Variants in PRG4 observed in about 807,000 individuals in gnomAD.
PRG4 encodes proteoglycan 4.
In PRG4, 61 loss-of-function variants were observed where a neutral mutation model predicts 91.2. The observed-to-expected ratio is 0.67, with a 90% CI of 0.54 to 0.83. The LOEUF is 0.83. Among genes scored for constraint, PRG4 ranks in the 40% least tolerant of loss-of-function variants. PRG4 has a pLI of 0.00. For synonymous variants in PRG4, 576 were observed against 614.2 expected, an observed-to-expected ratio of 0.94 and a Z score of 0.92; for missense variants, 1,564 against 1,714.2, an observed-to-expected ratio of 0.91 and a Z score of 1.55.
At chr1:186,311,381 G>A (rs1657217523) in intron 9 of PRG4, 59 bp from the exon 10 acceptor site, 5 of 1,547,226 alleles carry the variant, frequency 3.2e-6, no homozygotes, top group Non-Finnish European at 4.5e-6. Flanking sequence ...AATCTAGAAA[G>A]GAGTTCCAAA....
intron 7 of PRG4, 120 bp downstream of exon 7, chr1:186,309,260 T>G (rs1656993126): frequency 9.2e-7 from 1 of 1,081,656 alleles, no homozygotes; most frequent in South Asian, 1.3e-5. Context: ...CTTGTTAGCT[T>G]GTGAAGTTTT....
At position 186,307,721 on chromosome 1, in the gene PRG4, A is replaced by G. The variant is rs758847492; in HGVS notation, c.2002A>G (p.Thr668Ala). Residue 668 changes from threonine (T) to alanine (A), a missense_variant, in exon 7 of 13, where the codon ACT becomes GCT. Around this residue, in one of 3 missense-constraint regions of PRG4, gnomAD observed 1,079 missense variants for 1,162.2 expected, o/e 0.93. Coordinates refer to ENST00000445192, the MANE Select transcript of PRG4 (RefSeq NM_005807.6). Reference sequence around the variant, plus strand: ...CACCCCTGAGGAGCCTGCTCCCACCACTCCCAAGGCAGCGGCTCCCAACAC... The same window carrying G: ...CACCCCTGAGGAGCCTGCTCCCACCGCTCCCAAGGCAGCGGCTCCCAACAC... ...PTTPEEPAPT[T>A]PKAAAPNTPK... 1.9e-6 allele frequency: 3 copies of G among 1,599,708 alleles called. No individual in the cohort carries two copies. Among genetic ancestry groups the G allele is most frequent in the South Asian group, 1.1e-5 (1 of 90,646 alleles).
intron 2 of PRG4, among the ~76,000 whole-genome samples, chr1:186,298,429 A>G (rs867718275): frequency 8.5e-5 from 13 of 152,128 alleles, no homozygotes; most frequent in Admixed American, 5.2e-4. Flanking sequence ...AATTAATAGC[A>G]ATAAAAGTAG....
chr1:186,308,000 A>G lies in PRG4; in HGVS notation c.2281A>G (p.Thr761Ala). Residue 761 changes from threonine (T) to alanine (A), a missense_variant, in exon 7 of 13, where the codon ACC (threonine) becomes GCC (alanine). By Grantham distance (58) the Thr-to-Ala change is moderately conservative. Transcript: ENST00000445192. ...TACCCCTAAGGGGACTGCTCCAACT[A>G]CCCCTAAGGAGCCTGCTCCAACTAC... ...PTTPKGTAPT[T>A]PKEPAPTTPK... 1 of 1,602,900 alleles carries G rather than the reference A, an allele frequency of 6.2e-7. No individual in the cohort carries two copies.
At chr1:186,310,646 C>G (rs1657132662) in intron 8 of PRG4, among the ~76,000 whole-genome samples, 1 of 149,418 alleles carries the variant, frequency 6.7e-6, no homozygotes, top group African/African-American at 2.5e-5. Flanking sequence ...CCATGCCTGG[C>G]TAATTTTTGT....
Position 186,312,874 on chromosome 1 carries a change from A to C in PRG4, c.4097A>C (p.Asp1366Ala), listed in dbSNP as rs774754880. Residue 1366 changes from aspartate to alanine, a missense_variant, in exon 12 of 13, where the codon GAT (aspartate) becomes GCT (alanine). Physicochemically the swap from Asp to Ala is moderately radical, Grantham distance 126 (BLOSUM62 -2). Coordinates refer to ENST00000445192, the MANE Select transcript of PRG4 (RefSeq NM_005807.6). ...LPNIRKPDGY[D>A]YYAFSKDQYY... Reference sequence around the variant, plus strand: ...AACATCAGAAAACCTGACGGCTATGATTACTATGCCTTTTCTAAAGGTAAG... The same window carrying C: ...AACATCAGAAAACCTGACGGCTATGCTTACTATGCCTTTTCTAAAGGTAAG... 19 of 1,612,640 alleles carry C rather than the reference A, an allele frequency of 1.2e-5. No individual in the cohort carries two copies. The Admixed American group carries it at 3.2e-4, about 27-fold the overall frequency.
At position 186,306,759 on chromosome 1, in the gene PRG4, C is replaced by T. The variant is rs752609307; in HGVS notation, c.1040C>T (p.Pro347Leu). 6.2e-7 allele frequency: 1 copy of T among 1,613,536 alleles called. No homozygotes were observed. Among genetic ancestry groups the T allele is most frequent in the South Asian group, 1.1e-5 (1 of 91,068 alleles). ...ACCAAAGGCCCTGCTCTCACCACTCCCAAGGAGCCCACGCCCACCACTCCC... is the reference window on the plus strand; with the variant it reads ...ACCAAAGGCCCTGCTCTCACCACTCTCAAGGAGCCCACGCCCACCACTCCC... Reference protein sequence around the residue: ...TTTKGPALTTPKEPTPTTPKE... With the variant: ...TTTKGPALTTLKEPTPTTPKE... Residue 347 changes from proline to leucine, a missense_variant, in exon 7 of 13, where the codon CCC becomes CTC. By Grantham distance (98) the Pro-to-Leu change is moderately conservative. Coordinates refer to ENST00000445192, the MANE Select transcript of PRG4 (RefSeq NM_005807.6).
chr1:186,309,183 T>C, intron 7 of PRG4, 43 bp downstream of exon 7: 1 of 1,559,254 alleles, frequency 6.4e-7, no homozygotes, highest in South Asian at 1.1e-5. Flanking sequence ...CTGGTAATGT[T>C]AGTTTACATC....
Position 186,306,346 on chromosome 1 carries a change from A to G in PRG4, c.627A>G (p.Lys209=). 2 of 1,604,610 alleles carry G rather than the reference A, an allele frequency of 1.2e-6. No individual in the cohort carries two copies. Among genetic ancestry groups the G allele is most frequent in the Non-Finnish European group, 1.7e-6 (2 of 1,177,162 alleles). ...KVKDNKKNRT[K]KKPTPKPPVV... ...AAGATAACAAGAAGAACAGAACTAA[A>G]AAGAAACCTACCCCCAAACCACCAG... is the stretch of plus-strand genomic sequence containing the variant. Residue 209 remains lysine (K), a synonymous_variant, in exon 7 of 13, where the codon AAA becomes AAG. Transcript: ENST00000445192.
rs1292809337 is a variant in PRG4, at chr1:186,314,110, A to T, written c.*332A>T. ...TTCACTTACCCTAGTTCATTATAAA[A>T]AATATCTAGGCATTGTGGATATAAA... On this transcript the variant is annotated 3_prime_UTR_variant, in exon 13 of 13. Coordinates refer to ENST00000445192, the MANE Select transcript of PRG4 (RefSeq NM_005807.6). 1 of 1,291,788 alleles carries T rather than the reference A, an allele frequency of 7.7e-7. No homozygotes were observed. The highest frequency in any genetic ancestry group is 1.1e-6 in the Non-Finnish European group (1 of 920,888). 80.0% of individuals were successfully genotyped at this position (1,291,788 alleles called of 1,614,324 possible). A position where few individuals can be genotyped will look rare whatever the true frequency, so the allele number is the denominator to read the frequency against.
At chr1:186,306,196 T>G (rs563622092) in intron 6 of PRG4, 122 bp from the exon 7 acceptor site, 15 of 767,880 alleles carry the variant, frequency 2.0e-5, no homozygotes, top group Admixed American at 5.9e-5. Flanking sequence ...TTAAAGGACA[T>G]AGTAGAGATT....
chr1:186,312,309 C>A lies in PRG4; in HGVS notation c.3928C>A (p.Pro1310Thr). ...ACGTCGCTTTGAACGTGCTATAGGA[C>A]CTTCTCAAACACACACCATCAGAAT... is the stretch of plus-strand genomic sequence containing the variant. ...RRRRFERAIG[P>T]SQTHTIRIQY... Residue 1310 changes from proline (P) to threonine (T), a missense_variant, in exon 11 of 13, where the codon CCT becomes ACT. Pro to Thr is a conservative substitution (Grantham distance 38). Around this residue, in one of 3 missense-constraint regions of PRG4, gnomAD observed 1,079 missense variants for 1,162.2 expected, o/e 0.93. Transcript: ENST00000445192. 5 of 1,612,724 alleles carry A rather than the reference C, an allele frequency of 3.1e-6. No individual in the cohort carries two copies. Among genetic ancestry groups the A allele is most frequent in the Non-Finnish European group, 4.2e-6 (5 of 1,179,516 alleles).
At chr1:186,306,224 C>A in intron 6 of PRG4, 94 bp from the exon 7 acceptor site, 1 of 1,058,650 alleles carries the variant, frequency 9.4e-7, no homozygotes. Flanking sequence ...TGCTTAGAAA[C>A]ACACAACTAG....
In PRG4 at chr1:186,306,705, C is replaced by T. The variant is rs745567990; in HGVS notation, c.986C>T (p.Ala329Val). The T allele has an allele frequency of 3.1e-6, 5 of 1,613,632 alleles. No homozygotes were observed. The highest frequency in any genetic ancestry group is 2.2e-5 in the East Asian group (1 of 44,902). Residue 329 changes from alanine (A) to valine (V), a missense_variant, in exon 7 of 13, where the codon GCT becomes GTT. Physicochemically the swap from Ala to Val is moderately conservative, Grantham distance 64. Coordinates refer to ENST00000445192, the MANE Select transcript of PRG4 (RefSeq NM_005807.6). ...KDLAPTSKVL[A>V]KPTPKAETTT... ...TTAGCACCCACATCTAAAGTGCTGG[C>T]TAAACCTACACCCAAAGCTGAAACT... is the stretch of plus-strand genomic sequence containing the variant.
chr1:186,309,090 A>G lies in PRG4; in HGVS notation c.3371A>G (p.Tyr1124Cys), dbSNP rs763426335. Reference protein sequence around the residue: ...FMPEVTPDMDYLPRVPNQGII... With the variant: ...FMPEVTPDMDCLPRVPNQGII... The stretch of plus-strand genomic sequence containing the variant: ...CCTGAAGTTACTCCCGACATGGATT[A>G]CTTACCGAGAGTACCCAATCAAGGC... Residue 1124 changes from tyrosine to cysteine, a missense_variant, in exon 7 of 13, where the codon TAC becomes TGC. Physicochemically the swap from Tyr to Cys is radical, Grantham distance 194. Around this residue, in one of 3 missense-constraint regions of PRG4, gnomAD observed 1,079 missense variants for 1,162.2 expected, o/e 0.93. Transcript: ENST00000445192. The G allele has an allele frequency of 1.9e-6, 3 of 1,614,038 alleles. No homozygotes were observed. The highest frequency in any genetic ancestry group is 2.5e-6 in the Non-Finnish European group (3 of 1,179,950).
In PRG4 at chr1:186,304,939, A is replaced by C; in HGVS notation, c.598+17A>C. 4 of 1,610,828 alleles carry C rather than the reference A, an allele frequency of 2.5e-6. No homozygotes were observed. The highest frequency in any genetic ancestry group is 3.4e-6 in the Non-Finnish European group (4 of 1,177,576). On this transcript the variant is annotated intron_variant, in intron 6 of 12. Transcript: ENST00000445192. ...AACTCAAAGGTTTGAGCATTGATAA[A>C]GATCAAAGACTGTATCAATGCCATA...
At chr1:186,298,452 A>G (rs1655990730) in intron 2 of PRG4, among the ~76,000 whole-genome samples, 1 of 152,112 alleles carries the variant, frequency 6.6e-6, no homozygotes, top group African/African-American at 2.4e-5. Context: ...CAGACACCTA[A>G]TCTATGAAAG....
intron 2 of PRG4, 115 bp from the exon 3 acceptor site, chr1:186,299,976 C>T (rs1656091186): frequency 3.9e-6 from 5 of 1,276,308 alleles, no homozygotes; most frequent in Non-Finnish European, 4.6e-6. Context: ...ATCATTCCAA[C>T]ACCTTCTCGA....
chr1:186,300,229 G>C lies in PRG4; in HGVS notation c.199+16G>C, dbSNP rs367717231. On this transcript the variant is annotated intron_variant, in intron 3 of 12. Coordinates refer to ENST00000445192, the MANE Select transcript of PRG4 (RefSeq NM_005807.6). ...TGCACTGCGGGTAAGTCCTGAGAGC[G>C]GGTGTCTCCTCTGTCAAGCAACACT... 1 of 1,613,342 alleles carries C rather than the reference G, an allele frequency of 6.2e-7. No homozygotes were observed. The highest frequency in any genetic ancestry group is 1.1e-5 in the South Asian group (1 of 90,832).
Sources: allele counts gnomAD v4.1 joint callset (sites outside exome capture counted in the v4.1 genomes callset), GRCh38; gene constraint gnomAD v4.1.1; regional missense constraint gnomAD v4.1.1; transcripts MANE v1.5; gene names NCBI Gene and HGNC (gene_info 2026-07-23, HGNC 2026-07-21).